Variants in PRKAR2A observed in about 807,000 individuals in gnomAD.
The protein encoded by PRKAR2A is protein kinase cAMP-dependent type II regulatory subunit alpha.
Under a neutral mutation model 51.9 loss-of-function variants are expected in PRKAR2A, and 29 were observed. The ratio of observed to expected loss-of-function variants is 0.56; its 90% confidence interval spans 0.42 to 0.76. The LOEUF is 0.76. Among genes scored for constraint, PRKAR2A ranks in the 30% least tolerant of loss-of-function variants. PRKAR2A has a pLI of 0.00. For synonymous variants in PRKAR2A, 178 were observed against 186.2 expected, an observed-to-expected ratio of 0.96 and a Z score of 0.36; for missense variants, 445 against 512.1, an observed-to-expected ratio of 0.87 and a Z score of 1.26.
intron 5 of PRKAR2A, among the ~76,000 whole-genome samples, chr3:48,779,282 C>T (rs925357200): frequency 1.3e-5 from 2 of 152,080 alleles, no homozygotes; most frequent in South Asian, 4.1e-4. Context: ...TTTCACTGTA[C>T]AAAGAATAAC....
chr3:48,759,205 G>C (rs2081824233), intron 8 of PRKAR2A, among the ~76,000 whole-genome samples: 1 of 152,152 alleles, frequency 6.6e-6, no homozygotes, highest in Non-Finnish European at 1.5e-5. Flanking sequence ...AGCCTGGTTA[G>C]GCTGGGACAG....
At chr3:48,789,561 G>A (rs1395662626) in intron 4 of PRKAR2A, among the ~76,000 whole-genome samples, 1 of 149,318 alleles carries the variant, frequency 6.7e-6, no homozygotes, top group Non-Finnish European at 1.5e-5. Flanking sequence ...TGCGATCTCA[G>A]CTCACTGCAA....
In PRKAR2A at chr3:48,806,619, T is replaced by G. The variant is rs1427994316; in HGVS notation, c.298+1030A>C. On this transcript the variant is annotated intron_variant, in intron 2 of 10. Coordinates refer to ENST00000265563, the MANE Select transcript of PRKAR2A (RefSeq NM_004157.4). ...AATAGCATAACCACCTAGGGAAATT[T>G]TGCATTGAAAATTTCAAAAGGTCAA... is the stretch of plus-strand genomic sequence containing the variant. Among the ~76,000 whole-genome samples, 2 of 152,016 alleles carry G rather than the reference T, an allele frequency of 1.3e-5. 1 individual carries two copies. The highest frequency in any genetic ancestry group is 4.8e-5 in the African/African-American group (2 of 41,404).
chr3:48,831,626 C>CT (rs752832208), intron 1 of PRKAR2A, among the ~76,000 whole-genome samples: 52 of 88,474 alleles, frequency 5.9e-4, no homozygotes, highest in East Asian at 1.2e-3. Flanking sequence ...AATATTTTTT[C>CT]TTTTTTTTGA....
At chr3:48,779,635 C>G (rs1390369231) in intron 5 of PRKAR2A, among the ~76,000 whole-genome samples, 1 of 151,234 alleles carries the variant, frequency 6.6e-6, no homozygotes, top group African/African-American at 2.4e-5. Flanking sequence ...CAAAAATTAG[C>G]TGGGAGTGGT....
intron 1 of PRKAR2A, among the ~76,000 whole-genome samples, chr3:48,835,537 A>G (rs1031098339): frequency 1.1e-4 from 17 of 149,476 alleles, no homozygotes; most frequent in Non-Finnish European, 3.0e-5. Context: ...GCTACTCGGG[A>G]GGCTGGGGCA....
Position 48,764,408 on chromosome 3 carries a change from C to G in PRKAR2A, c.873+596G>C, listed in dbSNP as rs140661508. On this transcript the variant is annotated intron_variant, in intron 8 of 10. Coordinates refer to ENST00000265563, the MANE Select transcript of PRKAR2A (RefSeq NM_004157.4). ...GAGGACAGAACTCTTTAACCTTCCC[C>G]AGGTTCTAATAGCAATGGATGAAAC... is the stretch of plus-strand genomic sequence containing the variant. Among the ~76,000 whole-genome samples, 298 of 152,222 alleles carry G rather than the reference C, an allele frequency of 2.0e-3. 3 individuals carry two copies. In the Middle Eastern group the frequency reaches 0.02, roughly 10 times the overall value.
chr3:48,810,115 T>C (rs939266329), intron 1 of PRKAR2A, among the ~76,000 whole-genome samples: 1 of 152,286 alleles, frequency 6.6e-6, no homozygotes, highest in African/African-American at 2.4e-5. Flanking sequence ...TTGAGAAGGA[T>C]AATTTGACAG....
At chr3:48,770,798 C>T (rs2082018686) in intron 6 of PRKAR2A, among the ~76,000 whole-genome samples, 1 of 152,168 alleles carries the variant, frequency 6.6e-6, no homozygotes, top group African/African-American at 2.4e-5. Flanking sequence ...CCACCTTGTA[C>T]CAGGCACTAA....
chr3:48,776,638 C>T (rs1193116663), intron 5 of PRKAR2A, among the ~76,000 whole-genome samples: 1 of 151,942 alleles, frequency 6.6e-6, no homozygotes, highest in African/African-American at 2.4e-5. Context: ...GTCAGGAGTT[C>T]GAGACCAGCC....
chr3:48,825,283 G>A (rs1199700218), intron 1 of PRKAR2A, among the ~76,000 whole-genome samples: 1 of 151,902 alleles, frequency 6.6e-6, no homozygotes, highest in Non-Finnish European at 1.5e-5. Context: ...CTTGGGATTA[G>A]AGGCATGAGG....
chr3:48,833,000 C>A (rs1245800850), intron 1 of PRKAR2A, among the ~76,000 whole-genome samples: 1 of 152,146 alleles, frequency 6.6e-6, no homozygotes, highest in Non-Finnish European at 1.5e-5. Context: ...CCAAGAGCCC[C>A]AAGTGCATTT....
intron 1 of PRKAR2A, among the ~76,000 whole-genome samples, chr3:48,838,247 G>C (rs1324670343): frequency 4.6e-5 from 7 of 152,092 alleles, no homozygotes; most frequent in Non-Finnish European, 8.8e-5. Context: ...GCAAATGGTA[G>C]AGACAAAAGT....
intron 1 of PRKAR2A, among the ~76,000 whole-genome samples, chr3:48,835,083 C>T (rs1209770694): frequency 6.6e-6 from 1 of 151,888 alleles, no homozygotes; most frequent in African/African-American, 2.4e-5. Flanking sequence ...GTGGTCTTCC[C>T]ACCTCAGCCT....
chr3:48,746,232 C>T (rs2081560712), downstream of PRKAR2A, among the ~76,000 whole-genome samples: 1 of 151,520 alleles, frequency 6.6e-6, no homozygotes, highest in African/African-American at 2.4e-5. Flanking sequence ...AATCTTTAGG[C>T]TGGGTGCAGT....
intron 2 of PRKAR2A, among the ~76,000 whole-genome samples, chr3:48,794,492 C>G (rs759772942): frequency 6.6e-6 from 1 of 151,900 alleles, no homozygotes; most frequent in Non-Finnish European, 1.5e-5. Context: ...GTCAAGAGAT[C>G]GAGACCATCC....
At position 48,761,807 on chromosome 3, in the gene PRKAR2A, G is replaced by A. The variant is rs182412290; in HGVS notation, c.873+3197C>T. On this transcript the variant is annotated intron_variant, in intron 8 of 10. Transcript: ENST00000265563. ...TTTTTTATTACTTTTTAGTAGAGACGAGGTTTCGCCATGTTGGCCAGGCTG... is the reference window on the plus strand; with the variant it reads ...TTTTTTATTACTTTTTAGTAGAGACAAGGTTTCGCCATGTTGGCCAGGCTG... Among the ~76,000 whole-genome samples the A allele has an allele frequency of 2.6e-5, 4 of 152,180 alleles. 1 individual carries two copies. Among genetic ancestry groups the A allele is most frequent in the South Asian group, 4.1e-4 (2 of 4,820 alleles).
Position 48,751,511 on chromosome 3 carries a change from G to A in PRKAR2A, c.*74C>T. 1 of 1,591,158 alleles carries A rather than the reference G, an allele frequency of 6.3e-7. No homozygotes were observed. The highest frequency in any genetic ancestry group is 8.6e-7 in the Non-Finnish European group (1 of 1,163,936). On this transcript the variant is annotated 3_prime_UTR_variant, in exon 11 of 11. Coordinates refer to ENST00000265563, the MANE Select transcript of PRKAR2A (RefSeq NM_004157.4). ...CGGCAGGAACAGTTCTGTCATGTCT[G>A]TTTTCTGTATGTGTTCTGTGGCTGA...
At position 48,811,154 on chromosome 3, in the gene PRKAR2A, G is replaced by A. The variant is rs376150762; in HGVS notation, c.263-3470C>T. Among the ~76,000 whole-genome samples, 19 of 152,056 alleles carry A rather than the reference G, an allele frequency of 1.2e-4. No homozygotes were observed. In the East Asian group the frequency reaches 2.5e-3, roughly 20 times the overall value. Reference sequence around the variant, plus strand: ...ATTGTACCACTGCACTTCAGCCTGCGCAACAGAGGGAGACTATCTCTTAAT... The same window carrying A: ...ATTGTACCACTGCACTTCAGCCTGCACAACAGAGGGAGACTATCTCTTAAT... On this transcript the variant is annotated intron_variant, in intron 1 of 10. Coordinates refer to ENST00000265563, the MANE Select transcript of PRKAR2A (RefSeq NM_004157.4).
Sources: gnomAD v4.1 joint callset for allele counts (sites outside exome capture counted in the v4.1 genomes callset) on GRCh38, gnomAD v4.1.1 for gene constraint, MANE v1.5 for transcripts, NCBI Gene and HGNC (gene_info 2026-07-23, HGNC 2026-07-21) for gene names.